TTBK2: variants seen among roughly 807,000 people sequenced by gnomAD.
The protein encoded by TTBK2 is tau tubulin kinase 2, also known as tau-tubulin kinase 2.
Under a neutral mutation model 110.8 loss-of-function variants are expected in TTBK2, and 28 were observed. The observed-to-expected ratio is 0.25, with a 90% confidence interval of 0.19 to 0.35. The LOEUF is 0.35. Among genes scored for constraint, TTBK2 ranks in the 10% least tolerant of loss-of-function variants. The pLI is 1.00. For missense variants in TTBK2, 1,369 were observed against 1,500.3 expected, an observed-to-expected ratio of 0.91 and a Z score of 1.45; for synonymous variants, 532 against 527.3, an observed-to-expected ratio of 1.01 and a Z score of -0.12.
At chr15:42,787,732 T>C (rs1890469324) in intron 10 of TTBK2, among the ~76,000 whole-genome samples, 1 of 152,232 alleles carries the variant, frequency 6.6e-6, no homozygotes, top group Non-Finnish European at 1.5e-5. Flanking sequence ...GTTCTAAAGT[T>C]ATCTCATAGA....
chr15:42,919,090 C>T (rs992487823), intron 1 of TTBK2, among the ~76,000 whole-genome samples: 21 of 152,056 alleles, frequency 1.4e-4, no homozygotes, highest in African/African-American at 5.1e-4. Flanking sequence ...TCATATGTCC[C>T]CTTCGGTGTC....
intron 6 of TTBK2, among the ~76,000 whole-genome samples, chr15:42,818,248 T>C (rs556859898): frequency 1.3e-5 from 2 of 152,176 alleles, no homozygotes; most frequent in Non-Finnish European, 2.9e-5. Flanking sequence ...GCTAATCTAT[T>C]TTAATTTGTT....
At chr15:42,790,872 G>T (rs539142755) in intron 10 of TTBK2, among the ~76,000 whole-genome samples, 7 of 151,446 alleles carry the variant, frequency 4.6e-5, no homozygotes, top group Non-Finnish European at 7.4e-5. Flanking sequence ...GCTAATTTTT[G>T]TGTGTTTTTT....
At chr15:42,882,386 G>C (rs960547011) in intron 1 of TTBK2, among the ~76,000 whole-genome samples, 1 of 151,972 alleles carries the variant, frequency 6.6e-6, no homozygotes, top group Admixed American at 6.6e-5. Flanking sequence ...ATCACCTGAG[G>C]TCAGGAGTTT....
At chr15:42,887,356 C>A (rs564121775) in intron 1 of TTBK2, among the ~76,000 whole-genome samples, 60 of 152,258 alleles carry the variant, frequency 3.9e-4, no homozygotes, top group African/African-American at 1.3e-3. Flanking sequence ...TATCTCCCCA[C>A]CTTAATCCAC....
intron 9 of TTBK2, among the ~76,000 whole-genome samples, chr15:42,797,824 T>C (rs1891011143): frequency 6.6e-6 from 1 of 152,174 alleles, no homozygotes; most frequent in Non-Finnish European, 1.5e-5. Flanking sequence ...TATATATATA[T>C]GTGTGTGCCT....
intron 9 of TTBK2, among the ~76,000 whole-genome samples, chr15:42,808,274 T>C (rs1891562921): frequency 6.6e-6 from 1 of 152,210 alleles, no homozygotes; most frequent in African/African-American, 2.4e-5. Context: ...GAAGTAATAA[T>C]ATTCTATGGC....
chr15:42,773,920 G>T (rs1482227368), intron 13 of TTBK2, among the ~76,000 whole-genome samples: 1 of 152,210 alleles, frequency 6.6e-6, no homozygotes, highest in African/African-American at 2.4e-5. Context: ...AAGATGCACA[G>T]TTTGGAAAGC....
chr15:42,868,246 T>G (rs2141104346), intron 3 of TTBK2, among the ~76,000 whole-genome samples: 1 of 152,324 alleles, frequency 6.6e-6, no homozygotes, highest in South Asian at 2.1e-4. Flanking sequence ...AACCCCATCA[T>G]AAGTTGAGGA....
chr15:42,862,091 T>TA (rs1427305498), intron 3 of TTBK2, among the ~76,000 whole-genome samples: 1 of 151,606 alleles, frequency 6.6e-6, no homozygotes, highest in Non-Finnish European at 1.5e-5. Flanking sequence ...GAATCAGTAA[T>TA]AAAAAACCTA....
At chr15:42,839,629 A>C (rs1328811269) in intron 4 of TTBK2, among the ~76,000 whole-genome samples, 2 of 152,152 alleles carry the variant, frequency 1.3e-5, no homozygotes, top group African/African-American at 4.8e-5. Context: ...TGACTTTTTA[A>C]TAATAGTCAT....
Position 42,738,956 on chromosome 15 carries a change from C to G in TTBK2, c.*6839G>C, listed in dbSNP as rs531658835. ...TTTCCACTTTTGAAATCCAGACCAT[C>G]ACACAAACAGAACTAGATTTTGCAT... On this transcript the variant is annotated 3_prime_UTR_variant, in exon 15 of 15. Transcript: ENST00000267890. The G allele has an allele frequency of 6.6e-6, 1 of 152,150 alleles. No individual in the cohort carries two copies. Among genetic ancestry groups the G allele is most frequent in the Non-Finnish European group, 1.5e-5 (1 of 68,038 alleles). 9.4% of individuals were successfully genotyped at this position (152,150 alleles called of 1,614,324 possible).
At chr15:42,750,005 G>A (rs2061843955) in intron 14 of TTBK2, among the ~76,000 whole-genome samples, 1 of 152,280 alleles carries the variant, frequency 6.6e-6, no homozygotes, top group South Asian at 2.1e-4. Flanking sequence ...AGGATCACTT[G>A]AGCCCAGGAG....
Position 42,777,382 on chromosome 15 carries a change from C to T in TTBK2, c.1198-140G>A, listed in dbSNP as rs907421173. 3.3e-5 allele frequency: 27 copies of T among 814,946 alleles called. No individual in the cohort carries two copies. The African/African-American group carries it at 4.3e-4, about 13-fold the overall frequency. 50.5% of individuals were successfully genotyped at this position (814,946 alleles called of 1,614,324 possible). A position where few individuals can be genotyped will look rare whatever the true frequency, so the allele number is the denominator to read the frequency against. On this transcript the variant is annotated intron_variant, in intron 11 of 14. Transcript: ENST00000267890. ...TTAGGATATTTTGGCTAGTTTACTT[C>T]ATTACATTCTTATCTATTAACTCTT... is the stretch of plus-strand genomic sequence containing the variant.
chr15:42,846,081 G>A (rs1893449693), intron 3 of TTBK2, among the ~76,000 whole-genome samples: 1 of 151,294 alleles, frequency 6.6e-6, no homozygotes, highest in South Asian at 2.1e-4. Context: ...CAATGTAAAT[G>A]CTATGCAAAT....
intron 3 of TTBK2, among the ~76,000 whole-genome samples, chr15:42,866,723 G>T (rs1894385452): frequency 6.6e-6 from 1 of 152,016 alleles, no homozygotes; most frequent in African/African-American, 2.4e-5. Flanking sequence ...TCTGCTCTCA[G>T]AACACAGTGG....
At chr15:42,794,985 T>G in intron 9 of TTBK2, 184 bp from the exon 10 acceptor site, 1 of 701,504 alleles carries the variant, frequency 1.4e-6, no homozygotes, top group Non-Finnish European at 2.4e-6. Context: ...TTAATGTTGA[T>G]TTTTCTCCGT....
chr15:42,789,813 T>C (rs1229804106), intron 10 of TTBK2, among the ~76,000 whole-genome samples: 1 of 151,934 alleles, frequency 6.6e-6, no homozygotes, highest in Non-Finnish European at 1.5e-5. Flanking sequence ...ACATCATCTA[T>C]ATTCCATTGT....
chr15:42,917,930 A>AT (rs778942867), intron 1 of TTBK2, among the ~76,000 whole-genome samples: 11 of 151,198 alleles, frequency 7.3e-5, no homozygotes, highest in Non-Finnish European at 1.2e-4. Flanking sequence ...TTCCTATAGG[A>AT]TTTTTTTTTA....
Sources: allele counts gnomAD v4.1 joint callset (sites outside exome capture counted in the v4.1 genomes callset), GRCh38; gene constraint gnomAD v4.1.1; transcripts MANE v1.5; gene names NCBI Gene and HGNC (gene_info 2026-07-23, HGNC 2026-07-21).